BIVM: variants seen among roughly 807,000 people sequenced by gnomAD.
The protein encoded by BIVM is basic immunoglobulin-like variable motif-containing protein.
A neutral mutation model predicts 61.4 loss-of-function variants in BIVM; 31 were observed. That is an observed-to-expected ratio of 0.51 (90% CI 0.38 to 0.68). The LOEUF (loss-of-function observed/expected upper bound fraction) is 0.68, where lower values mean the gene tolerates loss of function less well. Ranked by LOEUF, BIVM falls within the 30% of genes least tolerant of loss-of-function variation. BIVM has a pLI of 0.00. For synonymous variants in BIVM, 189 were observed against 210.7 expected, an observed-to-expected ratio of 0.90 and a Z score of 0.89; for missense variants, 526 against 596.0, an observed-to-expected ratio of 0.88 and a Z score of 1.22.
intron 9 of BIVM, among the ~76,000 whole-genome samples, chr13:102,835,524 CTTGT>C (rs777888813): frequency 6.6e-6 from 1 of 152,036 alleles, no homozygotes; most frequent in Non-Finnish European, 1.5e-5. Context: ...TTTGCCTATT[CTTGT>C]TTGTTTGTTT....
At chr13:102,820,592 C>G (rs1469623040) in intron 4 of BIVM, 4 of 167,552 alleles carry the variant, frequency 2.4e-5, no homozygotes, top group Non-Finnish European at 2.5e-5. Context: ...GGCTTCTTGC[C>G]CAAGGATTTT....
At chr13:102,830,793 G>A (rs1210587356) in intron 7 of BIVM, among the ~76,000 whole-genome samples, 3 of 152,162 alleles carry the variant, frequency 2.0e-5, no homozygotes, top group Non-Finnish European at 2.9e-5. Flanking sequence ...TCAGCAAAGC[G>A]AGAAGGGTTC....
At chr13:102,834,914 T>C (rs960858981) in intron 9 of BIVM, among the ~76,000 whole-genome samples, 4 of 152,208 alleles carry the variant, frequency 2.6e-5, no homozygotes, top group African/African-American at 7.2e-5. Flanking sequence ...TGCTGAGTAG[T>C]ATTCTGTTGC....
rs1437003918 is a variant in BIVM, at chr13:102,838,723, A to G, written c.1202A>G (p.Tyr401Cys). 2.5e-6 allele frequency: 4 copies of G among 1,612,564 alleles called. No individual in the cohort carries two copies. The highest frequency in any genetic ancestry group is 1.3e-5 in the African/African-American group (1 of 74,910). ...DIRHLERGLQ[Y>C]RKTKKVGGNL... The stretch of plus-strand genomic sequence containing the variant: ...CGGCACTTAGAGAGGGGACTGCAGT[A>G]TAGAAAAACAAAGAAGGTAAGAAGA... The change falls in exon 10 of 11, where the codon TAT becomes TGT. Residue 401 changes from tyrosine to cysteine, a missense_variant. By Grantham distance (194) the Tyr-to-Cys change is radical. This residue lies in a region of BIVM where 210 missense variants were observed against 233.1 expected (regional missense o/e 0.90). Transcript: ENST00000257336.
intron 7 of BIVM, 54 bp downstream of exon 7, chr13:102,822,213 A>T: frequency 1.3e-6 from 2 of 1,513,806 alleles, no homozygotes; most frequent in Non-Finnish European, 9.1e-7. Flanking sequence ...GCACACACAC[A>T]CATACACACA....
intron 1 of BIVM, among the ~76,000 whole-genome samples, chr13:102,804,657 A>G (rs1010073052): frequency 6.6e-6 from 1 of 151,126 alleles, no homozygotes; most frequent in South Asian, 2.1e-4. Context: ...ATGGGGTTTC[A>G]CCATATTGGC....
intron 4 of BIVM, among the ~76,000 whole-genome samples, chr13:102,818,659 A>T (rs1394860224): frequency 6.6e-6 from 1 of 152,232 alleles, no homozygotes; most frequent in African/African-American, 2.4e-5. Context: ...CTGAGGGGAA[A>T]ACATCACCAG....
intron 3 of BIVM, among the ~76,000 whole-genome samples, chr13:102,814,893 A>G (rs988003463): frequency 9.9e-5 from 15 of 152,116 alleles, no homozygotes; most frequent in Non-Finnish European, 1.3e-4. Context: ...AAAATACAAA[A>G]ATTAGCTGGG....
In BIVM at chr13:102,821,751, C is replaced by A. The variant is rs763844307; in HGVS notation, c.710C>A (p.Pro237His). 3 of 1,613,200 alleles carry A rather than the reference C, an allele frequency of 1.9e-6. No individual in the cohort carries two copies. The highest frequency in any genetic ancestry group is 2.5e-6 in the Non-Finnish European group (3 of 1,179,790). ...YSTMGAGNLP[P>H]ITQEEALHIL... ...GAATGTTTCTTTTGTAGCCTTCCAC[C>A]TATTACCCAAGAAGAAGCTTTACAT... Residue 237 changes from proline to histidine, a missense_variant, in exon 6 of 11, where the codon CCT becomes CAT. Pro to His is a moderately conservative substitution (Grantham distance 77). Transcript: ENST00000257336.
intron 3 of BIVM, among the ~76,000 whole-genome samples, chr13:102,813,711 T>G (rs998054788): frequency 7.9e-5 from 12 of 152,076 alleles, no homozygotes; most frequent in Non-Finnish European, 1.3e-4. Context: ...AAGTGTTGAT[T>G]TTTTTTTGGT....
intron 3 of BIVM, among the ~76,000 whole-genome samples, chr13:102,809,597 T>G (rs1175585820): frequency 6.6e-6 from 1 of 152,246 alleles, no homozygotes; most frequent in Non-Finnish European, 1.5e-5. Context: ...TTAAAAATCT[T>G]CAACTATGAT....
chr13:102,821,169 A>G (rs772359944), intron 5 of BIVM, 37 bp downstream of exon 5: 22 of 1,554,206 alleles, frequency 1.4e-5, no homozygotes, highest in Admixed American at 8.2e-5. Flanking sequence ...CCAAACTCCA[A>G]AGTAATTTGA....
At chr13:102,823,086 A>G (rs1427979706) in intron 7 of BIVM, among the ~76,000 whole-genome samples, 1 of 152,156 alleles carries the variant, frequency 6.6e-6, no homozygotes, top group Non-Finnish European at 1.5e-5. Context: ...AAGGAACTTG[A>G]TTAGATATTA....
chr13:102,820,089 C>T (rs1459174856), intron 4 of BIVM, among the ~76,000 whole-genome samples: 1 of 152,134 alleles, frequency 6.6e-6, no homozygotes, highest in African/African-American at 2.4e-5. Context: ...GGTGCAGTGG[C>T]TCACGTCTGT....
At position 102,834,451 on chromosome 13, in the gene BIVM, G is replaced by A. The variant is rs1881329436; in HGVS notation, c.1035-15G>A. On this transcript the variant is annotated splice_polypyrimidine_tract_variant and intron_variant, in intron 8 of 10. Coordinates refer to ENST00000257336, the MANE Select transcript of BIVM (RefSeq NM_017693.4). ...AGTAACTATTAAACGTACTGTGAAT[G>A]TATTTTATATTTAGCAGGGGACCTC... The A allele has an allele frequency of 6.3e-7, 1 of 1,589,330 alleles. No homozygotes were observed. Among genetic ancestry groups the A allele is most frequent in the Non-Finnish European group, 8.5e-7 (1 of 1,171,514 alleles).
rs752602650 is a variant in BIVM, at chr13:102,839,648, T to A, written c.1295T>A (p.Phe432Tyr). 2.6e-5 allele frequency: 42 copies of A among 1,614,066 alleles called. No individual in the cohort carries two copies. In the East Asian group the frequency reaches 8.9e-4, roughly 34 times the overall value. ...WQRFGLWNFPFGTIRQESQPP... is the reference protein window; with the variant it reads ...WQRFGLWNFPYGTIRQESQPP... ...AGATTTGGCCTTTGGAACTTTCCATTTGGAACCATTAGACAAGAATCACAA... is the reference window on the plus strand; with the variant it reads ...AGATTTGGCCTTTGGAACTTTCCATATGGAACCATTAGACAAGAATCACAA... Residue 432 changes from phenylalanine (F) to tyrosine (Y), a missense_variant, in exon 11 of 11, where the codon TTT (phenylalanine) becomes TAT (tyrosine). This residue lies in a region of BIVM where 210 missense variants were observed against 233.1 expected (regional missense o/e 0.90). Transcript: ENST00000257336.
intron 1 of BIVM, chr13:102,800,385 G>A (rs1188494332): frequency 2.6e-5 from 4 of 152,332 alleles, no homozygotes; most frequent in Non-Finnish European, 5.9e-5. Flanking sequence ...AGGGAGTAGG[G>A]GCGAGGAGGC....
At chr13:102,810,060 AC>A (rs142668928) in intron 3 of BIVM, among the ~76,000 whole-genome samples, 6,482 of 152,110 alleles carry the variant, frequency 0.043, 167 homozygotes, top group East Asian at 0.1. Flanking sequence ...GGCGTGAGCC[AC>A]CCCGCCCAGC....
chr13:102,804,240 G>A (rs775157366), intron 1 of BIVM, among the ~76,000 whole-genome samples: 3 of 150,942 alleles, frequency 2.0e-5, no homozygotes, highest in Non-Finnish European at 4.4e-5. Flanking sequence ...CTCCACCTTC[G>A]AGCCTCAAGC....
Sources: allele counts gnomAD v4.1 joint callset (sites outside exome capture counted in the v4.1 genomes callset), GRCh38; gene constraint gnomAD v4.1.1; regional missense constraint gnomAD v4.1.1; transcripts MANE v1.5; gene names NCBI Gene and HGNC (gene_info 2026-07-23, HGNC 2026-07-21).